Variants in CCDC7 observed in about 807,000 individuals in gnomAD.
CCDC7 encodes the protein coiled-coil domain containing 7.
A neutral mutation model predicts 196.9 loss-of-function variants in CCDC7; 183 were observed. The observed-to-expected ratio is 0.93, with a 90% confidence interval of 0.82 to 1.05. CCDC7 has a LOEUF of 1.05. Ranked by LOEUF, CCDC7 falls within the 50% of genes least tolerant of loss-of-function variation. CCDC7 has a pLI of 0.00. For missense variants in CCDC7, 1,540 were observed against 1,482.2 expected (o/e 1.04, Z -0.64); for synonymous variants, 525 against 484.6 (o/e 1.08, Z -1.10).
intron 18 of CCDC7, among the ~76,000 whole-genome samples, chr10:32,595,847 G>A (rs1205270214): frequency 1.3e-5 from 2 of 152,172 alleles, no homozygotes; most frequent in East Asian, 1.9e-4. Context: ...GTGTAGTTGA[G>A]TGGTTTTGAG....
upstream of CCDC7, among the ~76,000 whole-genome samples, chr10:32,444,592 A>G (rs2030547758): frequency 6.6e-6 from 1 of 152,222 alleles, no homozygotes; most frequent in Non-Finnish European, 1.5e-5. Flanking sequence ...GGCTTTGTCA[A>G]ATCTAAGGTC....
chr10:32,843,348 G>A (rs2093094018), intron 33 of CCDC7, among the ~76,000 whole-genome samples: 2 of 151,730 alleles, frequency 1.3e-5, no homozygotes, highest in South Asian at 4.1e-4. Flanking sequence ...TGTTGAAGAA[G>A]GAATAATGCT....
intron 32 of CCDC7, among the ~76,000 whole-genome samples, chr10:32,833,353 T>TAA (rs71185223): frequency 6.7e-6 from 1 of 149,966 alleles, no homozygotes; most frequent in African/African-American, 2.5e-5. Flanking sequence ...ACCCTTTTTT[T>TAA]AAAAAAAAAA....
At chr10:32,619,533 C>G (rs923715697) in intron 18 of CCDC7, among the ~76,000 whole-genome samples, 2 of 152,072 alleles carry the variant, frequency 1.3e-5, no homozygotes, top group African/African-American at 4.8e-5. Flanking sequence ...TGCACACATA[C>G]AGGCATATAT....
chr10:32,728,704 T>C (rs1473258747), intron 26 of CCDC7, among the ~76,000 whole-genome samples, 183 bp from the exon 28 acceptor site: 7 of 152,194 alleles, frequency 4.6e-5, no homozygotes. Context: ...ATTTGATGCT[T>C]CAGAATATTT....
At chr10:32,576,131 G>A (rs547755451) in intron 16 of CCDC7, among the ~76,000 whole-genome samples, 44 of 152,122 alleles carry the variant, frequency 2.9e-4, no homozygotes, top group African/African-American at 9.6e-4. Flanking sequence ...ATGGAGATGA[G>A]CCAGATTGTC....
At chr10:32,640,864 C>CTGTT (rs2066621038) in intron 20 of CCDC7, among the ~76,000 whole-genome samples, 1 of 74,538 alleles carries the variant, frequency 1.3e-5, no homozygotes, top group African/African-American at 3.7e-5. Context: ...TGTAGATTTT[C>CTGTT]TTTTTTTTTT....
intron 29 of CCDC7, among the ~76,000 whole-genome samples, chr10:32,792,693 G>A (rs186092683): frequency 1.3e-5 from 2 of 152,160 alleles, no homozygotes; most frequent in East Asian, 1.9e-4. Context: ...TCAGCTGCTC[G>A]GGAGGCTGAG....
chr10:32,696,121 C>T (rs557080066), intron 24 of CCDC7, among the ~76,000 whole-genome samples: 224 of 152,046 alleles, frequency 1.5e-3, no homozygotes, highest in Non-Finnish European at 2.5e-3. Flanking sequence ...TGCAACAATT[C>T]GCCTCAGGGA....
At chr10:32,746,366 A>G (rs1463895506) in intron 28 of CCDC7, among the ~76,000 whole-genome samples, 1 of 152,174 alleles carries the variant, frequency 6.6e-6, no homozygotes, top group Non-Finnish European at 1.5e-5. Flanking sequence ...CCTGATAGAC[A>G]TTTGAGCTGG....
intron 37 of CCDC7, among the ~76,000 whole-genome samples, chr10:32,846,888 G>T (rs1283795824): frequency 6.6e-6 from 1 of 152,004 alleles, no homozygotes; most frequent in Non-Finnish European, 1.5e-5. Flanking sequence ...AAAATGTCAG[G>T]CAAATTTATA....
chr10:32,643,297 T>C (rs1346054876), intron 20 of CCDC7, among the ~76,000 whole-genome samples: 1 of 152,190 alleles, frequency 6.6e-6, no homozygotes, highest in African/African-American at 2.4e-5. Flanking sequence ...TTAAATCCTA[T>C]TGTGTCTTAC....
chr10:32,846,345 A>G (rs374137159), intron 36 of CCDC7, 31 bp from the exon 38 acceptor site: 73 of 1,276,182 alleles, frequency 5.7e-5, no homozygotes, highest in Non-Finnish European at 7.8e-5. Flanking sequence ...TTTACCTTAT[A>G]AAGTATTTTG....
At chr10:32,653,446 G>C (rs1433609224) in intron 20 of CCDC7, among the ~76,000 whole-genome samples, 1 of 152,148 alleles carries the variant, frequency 6.6e-6, no homozygotes, top group African/African-American at 2.4e-5. Context: ...TGGGGGAGGG[G>C]TGTGAGACTG....
intron 20 of CCDC7, among the ~76,000 whole-genome samples, chr10:32,637,966 C>G (rs2139711758): frequency 6.6e-6 from 1 of 152,136 alleles, no homozygotes; most frequent in East Asian, 1.9e-4. Flanking sequence ...AGTTGTATTC[C>G]TAGGTATTTT....
At chr10:32,824,481 TAA>T (rs771644120) in intron 31 of CCDC7, 35 bp from the exon 33 acceptor site, 4 of 1,371,654 alleles carry the variant, frequency 2.9e-6, no homozygotes, top group Non-Finnish European at 4.1e-6. Flanking sequence ...ATATTTACAT[TAA>T]AAAAGTGTTT....
At chr10:32,687,127 C>G (rs1199186810) in intron 22 of CCDC7, among the ~76,000 whole-genome samples, 1 of 152,272 alleles carries the variant, frequency 6.6e-6, no homozygotes, top group East Asian at 1.9e-4. Context: ...TAAGAAGTAC[C>G]ATAGCATTAA....
At chr10:32,624,228 C>T (rs2063723088) in intron 18 of CCDC7, among the ~76,000 whole-genome samples, 1 of 152,128 alleles carries the variant, frequency 6.6e-6, no homozygotes, top group Non-Finnish European at 1.5e-5. Context: ...TTTTTTGTTG[C>T]CCTGGACTAT....
chr10:32,819,656 T>C (rs1475441882), intron 31 of CCDC7, among the ~76,000 whole-genome samples: 1 of 152,138 alleles, frequency 6.6e-6, no homozygotes, highest in African/African-American at 2.4e-5. Context: ...GCAAAGCTGG[T>C]TCAAAATATG....
Sources: allele counts gnomAD v4.1 joint callset (sites outside exome capture counted in the v4.1 genomes callset), GRCh38; gene constraint gnomAD v4.1.1; transcripts MANE v1.5; gene names NCBI Gene and HGNC (gene_info 2026-07-23, HGNC 2026-07-21).